The following SH2D3C variants were observed in gnomAD, a reference collection of about 807,000 sequenced individuals.
The protein encoded by SH2D3C is SH2 domain-containing protein 3C.
Under a neutral mutation model 75.2 loss-of-function variants are expected in SH2D3C, and 25 were observed. The ratio of observed to expected loss-of-function variants is 0.33; its 90% confidence interval spans 0.24 to 0.46. The LOEUF (loss-of-function observed/expected upper bound fraction) is 0.46. Among genes scored for constraint, SH2D3C ranks in the 20% least tolerant of loss-of-function variants. The pLI, the probability that SH2D3C is intolerant of heterozygous loss-of-function variation, is 1.00. For synonymous variants in SH2D3C, 450 were observed against 473.7 expected, an observed-to-expected ratio of 0.95 and a Z score of 0.65; for missense variants, 933 against 1,165.3, an observed-to-expected ratio of 0.80 and a Z score of 2.90.
chr9:127,751,908 G>C lies in SH2D3C; in HGVS notation c.556-608C>G, dbSNP rs1468878889. Among the ~76,000 whole-genome samples the C allele has an allele frequency of 6.6e-6, 1 of 152,144 alleles. No homozygotes were observed. The highest frequency in any genetic ancestry group is 2.4e-5 in the African/African-American group (1 of 41,420). On this transcript the variant is annotated intron_variant, in intron 3 of 11. Coordinates refer to ENST00000314830, the MANE Select transcript of SH2D3C (RefSeq NM_170600.3). This position sits in a 1 kb window ranked among gnomAD's most constrained non-coding sequence, Gnocchi z 4.1. ...GGGATGGTGCATTCTACAATGCAAG[G>C]GTGGGGAAGGGACTATAAACAGGGA... is the stretch of plus-strand genomic sequence containing the variant.
chr9:127,768,171 C>T (rs1252387519), intron 2 of SH2D3C, among the ~76,000 whole-genome samples: 1 of 152,156 alleles, frequency 6.6e-6, no homozygotes, highest in Non-Finnish European at 1.5e-5. Context: ...ACCACGACCC[C>T]CACCCCTGGT....
Position 127,749,099 on chromosome 9 carries a change from C to T in SH2D3C, c.1139+112G>A. On this transcript the variant is annotated intron_variant, in intron 5 of 11. Coordinates refer to ENST00000314830, the MANE Select transcript of SH2D3C (RefSeq NM_170600.3). The surrounding 1 kb of genome is among the most constrained non-coding windows in gnomAD (Gnocchi z 5.9). ...CCTTCCTCCCATTCCTCCCTGCACA[C>T]AGAGGCTCCAGGAGAGTAATTTCAT... is the stretch of plus-strand genomic sequence containing the variant. 1.2e-6 allele frequency: 1 copy of T among 832,422 alleles called. No homozygotes were observed. The highest frequency in any genetic ancestry group is 1.9e-6 in the Non-Finnish European group (1 of 529,766). The allele number at this position is 832,422 out of a possible 1,614,324, so 51.6% of individuals were successfully genotyped here. A position where few individuals can be genotyped will look rare whatever the true frequency, so the allele number is the denominator to read the frequency against.
chr9:127,762,438 T>C (rs758740386), intron 2 of SH2D3C: 7 of 646,712 alleles, frequency 1.1e-5, no homozygotes, highest in South Asian at 4.4e-5. Flanking sequence ...CTACAACTTG[T>C]GTATCCAAAG....
chr9:127,762,660 G>C (rs1428319667), intron 2 of SH2D3C, among the ~76,000 whole-genome samples: 4 of 152,156 alleles, frequency 2.6e-5, no homozygotes, highest in Admixed American at 6.5e-5. Context: ...GGCCACCCTC[G>C]TGTCTCCAGT....
At chr9:127,761,358 G>A (rs895081583) in intron 3 of SH2D3C, among the ~76,000 whole-genome samples, 1 of 152,188 alleles carries the variant, frequency 6.6e-6, no homozygotes, top group Admixed American at 6.5e-5. Context: ...CAAGTGAGTG[G>A]GGTCAGATGA....
Position 127,739,029 on chromosome 9 carries a change from A to T in SH2D3C, c.2408-108T>A. On this transcript the variant is annotated intron_variant, in intron 11 of 11. Transcript: ENST00000314830. This position sits in a 1 kb window ranked among gnomAD's most constrained non-coding sequence, Gnocchi z 4.3. ...GGACCTCCCCTCAACTCCGCCAGGG[A>T]TCCAACAAGGTTTGTGAATCAACAC... The T allele has an allele frequency of 9.9e-7, 1 of 1,008,582 alleles. No individual in the cohort carries two copies. The highest frequency in any genetic ancestry group is 2.0e-5 in the South Asian group (1 of 49,316). The allele number at this position is 1,008,582 out of a possible 1,614,324, so 62.5% of individuals were successfully genotyped here.
At chr9:127,740,005 C>T in intron 10 of SH2D3C, 117 bp from the exon 11 acceptor site, 1 of 1,004,114 alleles carries the variant, frequency 1.0e-6, no homozygotes, top group Non-Finnish European at 1.4e-6. Flanking sequence ...GGAGAGAGCC[C>T]CAAGGGCTCC....
In SH2D3C at chr9:127,757,626, TGATGATG is replaced by T. The variant is rs1564419751; in HGVS notation, c.555+3978_555+3984del. Among the ~76,000 whole-genome samples the T allele has an allele frequency of 2.9e-3, 359 of 125,570 alleles. 2 individuals are homozygous for T. Among genetic ancestry groups the T allele is most frequent in the African/African-American group, 6.9e-3 (247 of 35,920 alleles). The allele number at this position is 125,570 out of a possible 152,430, so 82.4% of individuals were successfully genotyped here. On this transcript the variant is annotated intron_variant, in intron 3 of 11. Transcript: ENST00000314830. Reference sequence around the variant, plus strand: ...CAGATGATGATGATGATGATGATGATGATGATGATGATGATGATGATTATTATTATTA... The same window carrying T: ...CAGATGATGATGATGATGATGATGATATGATGATGATGATTATTATTATTA...
At chr9:127,760,069 T>C (rs561108541) in intron 3 of SH2D3C, among the ~76,000 whole-genome samples, 119 of 152,090 alleles carry the variant, frequency 7.8e-4, no homozygotes, top group African/African-American at 2.5e-3. Context: ...GGTGGGAGGA[T>C]TGCTTGAGCC....
chr9:127,766,777 C>A, intron 2 of SH2D3C: 6 of 671,972 alleles, frequency 8.9e-6, no homozygotes, highest in Non-Finnish European at 1.2e-5. Flanking sequence ...ACCATGTTGG[C>A]CAGGCTGGTC....
At chr9:127,762,191 G>C in intron 2 of SH2D3C, 1 of 1,181,244 alleles carries the variant, frequency 8.5e-7, no homozygotes, top group Non-Finnish European at 1.1e-6. Context: ...AGCCACTGCC[G>C]GTGCTAGAGG....
intron 10 of SH2D3C, among the ~76,000 whole-genome samples, 181 bp from the exon 11 acceptor site, chr9:127,740,069 G>A (rs906026418): frequency 1.3e-5 from 2 of 152,178 alleles, no homozygotes; most frequent in Non-Finnish European, 2.9e-5. Context: ...ACCCACTGCA[G>A]CCCTGGCCCA....
chr9:127,753,531 G>A (rs552206465), intron 3 of SH2D3C, among the ~76,000 whole-genome samples: 7 of 152,282 alleles, frequency 4.6e-5, no homozygotes, highest in African/African-American at 1.7e-4. Flanking sequence ...CACATCCTCC[G>A]GCCGTGGTAG....
Position 127,745,276 on chromosome 9 carries a change from C to A in SH2D3C, c.1265-177G>T, listed in dbSNP as rs1844994197. 2.0e-5 allele frequency among the ~76,000 whole-genome samples: 3 copies of A among 151,866 alleles called. No individual in the cohort carries two copies. The South Asian group carries it at 6.2e-4, about 32-fold the overall frequency. Reference sequence around the variant, plus strand: ...GATTGACTCTGGCAAGCTGACCAGCCCAGGTGATGCTCTGAAATCACCAGG... The same window carrying A: ...GATTGACTCTGGCAAGCTGACCAGCACAGGTGATGCTCTGAAATCACCAGG... On this transcript the variant is annotated intron_variant, in intron 6 of 11. Transcript: ENST00000314830.
In SH2D3C at chr9:127,749,636, G is replaced by T; in HGVS notation, c.714C>A (p.Gly238=). The T allele has an allele frequency of 1.3e-6, 2 of 1,568,260 alleles. No homozygotes were observed. Among genetic ancestry groups the T allele is most frequent in the Non-Finnish European group, 8.6e-7 (1 of 1,159,892 alleles). The change falls in exon 5 of 12, where the codon GGC becomes GGA. Residue 238 remains glycine (G), a synonymous_variant. Coordinates refer to ENST00000314830, the MANE Select transcript of SH2D3C (RefSeq NM_170600.3). The surrounding 1 kb of genome is among the most constrained non-coding windows in gnomAD (Gnocchi z 5.9). The part of the protein sequence containing the change: ...EVSETLVQRN[G]DFLIRDSLTS... ...TGAGTGAGTCCCGGATGAGGAAGTC[G>T]CCGTTGCGTTGTACCAAGGTCTCCG...
intron 1 of SH2D3C, among the ~76,000 whole-genome samples, chr9:127,776,460 A>G (rs1477547092): frequency 6.6e-6 from 1 of 152,052 alleles, no homozygotes; most frequent in East Asian, 1.9e-4. Flanking sequence ...CTCCAGACTC[A>G]AGAGGAACGG....
In SH2D3C at chr9:127,739,592, G is replaced by T; in HGVS notation, c.2407+90C>A. 8.5e-7 allele frequency: 1 copy of T among 1,179,538 alleles called. No homozygotes were observed. Among genetic ancestry groups the T allele is most frequent in the Non-Finnish European group, 1.2e-6 (1 of 821,764 alleles). 73.1% of individuals were successfully genotyped at this position (1,179,538 alleles called of 1,614,324 possible). On this transcript the variant is annotated intron_variant, in intron 11 of 11. Transcript: ENST00000314830. The surrounding 1 kb of genome is among the most constrained non-coding windows in gnomAD (Gnocchi z 4.3). The stretch of plus-strand genomic sequence containing the variant: ...GCAGGACAGAGGAGTGGAGAAATGT[G>T]AATGGATGCCTTGGAGAAAAGGGAA...
At chr9:127,772,404 C>T (rs1564425984) in intron 2 of SH2D3C, among the ~76,000 whole-genome samples, 1 of 151,946 alleles carries the variant, frequency 6.6e-6, no homozygotes, top group East Asian at 1.9e-4. Context: ...CCGCCACACC[C>T]GGCTAATTTT....
chr9:127,774,004 G>A lies in SH2D3C; in HGVS notation c.501C>T (p.Asp167=), dbSNP rs139326922. ...GDVEEERPPR[D]VHSERAAGEP... is the part of the protein sequence containing the mutation. ...TGGGCACCTACCTTTCTGAGTGCAC[G>A]TCCCTGGGAGGTCTCTCCTCTTCTA... The change falls in exon 2 of 12, where the codon GAC becomes GAT. Residue 167 remains aspartate, a synonymous_variant. Transcript: ENST00000314830. The surrounding 1 kb of genome is among the most constrained non-coding windows in gnomAD (Gnocchi z 4.3). 8.9e-5 allele frequency: 143 copies of A among 1,610,212 alleles called. No individual in the cohort carries two copies. The highest frequency in any genetic ancestry group is 6.4e-4 in the African/African-American group (48 of 74,872).
Sources: allele counts gnomAD v4.1 joint callset (sites outside exome capture counted in the v4.1 genomes callset), GRCh38; gene constraint gnomAD v4.1.1; non-coding constraint Gnocchi (gnomAD v3.1); transcripts MANE v1.5; gene names NCBI Gene and HGNC (gene_info 2026-07-23, HGNC 2026-07-21).